The following THRB variants were observed in gnomAD, a reference collection of about 807,000 sequenced individuals.
The protein encoded by THRB is nuclear receptor subfamily 1 group A member 2.
A neutral mutation model predicts 47.8 loss-of-function variants in THRB; 12 were observed. That is an observed-to-expected ratio of 0.25 (90% CI 0.16 to 0.41). The LOEUF (loss-of-function observed/expected upper bound fraction) is 0.41, where lower values mean the gene tolerates loss of function less well. THRB is among the 10% of genes least tolerant of loss of function. The pLI, the probability that THRB is intolerant of heterozygous loss-of-function variation, is 1.00. For missense variants in THRB, 348 were observed against 589.2 expected (o/e 0.59, Z 4.24); for synonymous variants, 218 against 212.2 (o/e 1.03, Z -0.24).
At chr3:24,225,198 G>A (rs538930951) in intron 4 of THRB, among the ~76,000 whole-genome samples, 22 of 152,132 alleles carry the variant, frequency 1.4e-4, no homozygotes, top group Non-Finnish European at 2.8e-4. Flanking sequence ...CTTAACACAT[G>A]AGCCCTCCCA....
intron 5 of THRB, 87 bp downstream of exon 5, chr3:24,189,987 G>A (rs2043122223): frequency 7.6e-7 from 1 of 1,318,000 alleles, no homozygotes; most frequent in South Asian, 1.2e-5. Flanking sequence ...CATTGGAAGA[G>A]AAATGTAGAT....
intron 3 of THRB, among the ~76,000 whole-genome samples, chr3:24,253,048 C>G (rs745608389): frequency 4.6e-5 from 7 of 151,294 alleles, no homozygotes; most frequent in Non-Finnish European, 5.9e-5. Context: ...CAATACAATA[C>G]AATACAGTGA....
chr3:24,420,360 AT>A (rs1444214106), intron 1 of THRB, among the ~76,000 whole-genome samples: 1 of 151,816 alleles, frequency 6.6e-6, no homozygotes, highest in African/African-American at 2.4e-5. Flanking sequence ...TGGCGGTGGG[AT>A]TATCTCTGGA....
intron 1 of THRB, among the ~76,000 whole-genome samples, chr3:24,485,752 T>C (rs1697195491): frequency 6.6e-6 from 1 of 152,204 alleles, no homozygotes; most frequent in Admixed American, 6.5e-5. Context: ...CATATCATAT[T>C]TATTTCTGCC....
chr3:24,448,482 A>T (rs868460576), intron 1 of THRB, among the ~76,000 whole-genome samples: 3 of 152,174 alleles, frequency 2.0e-5, no homozygotes, highest in Non-Finnish European at 2.9e-5. Flanking sequence ...CTTGCTATCA[A>T]TTAGGAAAGC....
intron 1 of THRB, among the ~76,000 whole-genome samples, chr3:24,492,476 C>G (rs1398994804): frequency 6.6e-6 from 1 of 152,198 alleles, no homozygotes; most frequent in Non-Finnish European, 1.5e-5. Flanking sequence ...TAATCTTACA[C>G]TAGAATGAGA....
intron 2 of THRB, among the ~76,000 whole-genome samples, chr3:24,302,240 T>C (rs773399044): frequency 2.0e-5 from 3 of 152,240 alleles, no homozygotes; most frequent in African/African-American, 4.8e-5. Flanking sequence ...TCAATTTGTT[T>C]ACTCCTTTGC....
intron 4 of THRB, among the ~76,000 whole-genome samples, chr3:24,208,143 T>C (rs1412659694): frequency 6.6e-6 from 1 of 151,806 alleles, no homozygotes; most frequent in Admixed American, 6.6e-5. Flanking sequence ...TTACAAGGGA[T>C]GTGAAGGACC....
intron 1 of THRB, among the ~76,000 whole-genome samples, chr3:24,464,530 T>G (rs1460200171): frequency 2.0e-5 from 3 of 152,238 alleles, no homozygotes; most frequent in Non-Finnish European, 2.9e-5. Context: ...GTCTGATGCT[T>G]GTAGACAGCA....
chr3:24,370,781 A>G (rs897371319), intron 1 of THRB, among the ~76,000 whole-genome samples: 4 of 152,128 alleles, frequency 2.6e-5, no homozygotes, highest in African/African-American at 9.7e-5. Context: ...GGGCTCCCCA[A>G]GCTAGGAGAC....
chr3:24,436,144 TG>T (rs2070924295), intron 1 of THRB, among the ~76,000 whole-genome samples: 1 of 151,836 alleles, frequency 6.6e-6, no homozygotes, highest in South Asian at 2.1e-4. Flanking sequence ...AGTATATATC[TG>T]GGGGCAAGTG....
At chr3:24,379,996 C>T (rs1577204502) in intron 1 of THRB, among the ~76,000 whole-genome samples, 1 of 151,188 alleles carries the variant, frequency 6.6e-6, no homozygotes, top group Admixed American at 6.6e-5. Flanking sequence ...TGGTTCCTTC[C>T]TTTATATGCC....
At chr3:24,393,799 C>T (rs759580232) in intron 1 of THRB, among the ~76,000 whole-genome samples, 3 of 152,076 alleles carry the variant, frequency 2.0e-5, no homozygotes, top group Non-Finnish European at 4.4e-5. Context: ...ACTTAAGGAA[C>T]AGAATAATGT....
chr3:24,368,581 T>C (rs1012304411), intron 1 of THRB, among the ~76,000 whole-genome samples: 4 of 152,186 alleles, frequency 2.6e-5, no homozygotes, highest in African/African-American at 9.6e-5. Flanking sequence ...CTAGCATCAG[T>C]TGAAATAACC....
chr3:24,298,069 TC>T (rs1428592805), intron 2 of THRB, among the ~76,000 whole-genome samples: 1 of 152,218 alleles, frequency 6.6e-6, no homozygotes. Context: ...TTCTAAAGCA[TC>T]GAATTTCTAT....
At chr3:24,211,823 G>A (rs188738684) in intron 4 of THRB, among the ~76,000 whole-genome samples, 1 of 152,274 alleles carries the variant, frequency 6.6e-6, no homozygotes, top group East Asian at 1.9e-4. Context: ...CTAAGATGAT[G>A]TGCAGCAATA....
chr3:24,433,676 G>A (rs2070668760), intron 1 of THRB, among the ~76,000 whole-genome samples: 1 of 152,150 alleles, frequency 6.6e-6, no homozygotes, highest in African/African-American at 2.4e-5. Context: ...TCTCATAGGG[G>A]TTTTGTGGGG....
At chr3:24,345,805 C>T (rs1351022627) in intron 1 of THRB, among the ~76,000 whole-genome samples, 1 of 152,060 alleles carries the variant, frequency 6.6e-6, no homozygotes, top group African/African-American at 2.4e-5. Context: ...AACTGGGACA[C>T]TTTTGAGGAG....
intron 3 of THRB, among the ~76,000 whole-genome samples, chr3:24,278,777 G>A (rs2054205506): frequency 6.6e-6 from 1 of 152,152 alleles, no homozygotes; most frequent in South Asian, 2.1e-4. Context: ...ACCCAACGTG[G>A]CAGCTGCTCA....
Sources: gnomAD v4.1 joint callset for allele counts (sites outside exome capture counted in the v4.1 genomes callset) on GRCh38, gnomAD v4.1.1 for gene constraint, MANE v1.5 for transcripts, NCBI Gene and HGNC (gene_info 2026-07-23, HGNC 2026-07-21) for gene names.